The following ARNT variants were observed in gnomAD, a reference collection of about 807,000 sequenced individuals.
ARNT encodes the protein aryl hydrocarbon receptor nuclear translocator.
ARNT carries 30 observed loss-of-function variants against 105.0 expected under a neutral mutation model. The ratio of observed to expected loss-of-function variants is 0.29; its 90% confidence interval spans 0.21 to 0.39. ARNT has a LOEUF of 0.39. ARNT is among the 10% of genes least tolerant of loss of function. ARNT has a pLI of 1.00. For missense variants in ARNT, 748 were observed against 978.7 expected (o/e 0.76, Z 3.15); for synonymous variants, 304 against 344.0 (o/e 0.88, Z 1.29).
intron 1 of ARNT, among the ~76,000 whole-genome samples, chr1:150,869,374 G>T (rs1365015546): frequency 6.6e-6 from 1 of 151,922 alleles, no homozygotes; most frequent in African/African-American, 2.4e-5. Context: ...CTACTCGCGA[G>T]GATGAGGCAG....
intron 1 of ARNT, among the ~76,000 whole-genome samples, chr1:150,871,145 A>G (rs907128872): frequency 2.0e-5 from 3 of 152,180 alleles, no homozygotes; most frequent in African/African-American, 7.2e-5. Context: ...AGGAAAGTGC[A>G]GCCTGGCATA....
chr1:150,852,291 C>G (rs1478253335), intron 3 of ARNT, among the ~76,000 whole-genome samples: 1 of 152,152 alleles, frequency 6.6e-6, no homozygotes, highest in Non-Finnish European at 1.5e-5. Flanking sequence ...CACTTGCACA[C>G]TGGGATTTGT....
chr1:150,859,939 C>T (rs1665307376), intron 1 of ARNT, among the ~76,000 whole-genome samples: 1 of 151,044 alleles, frequency 6.6e-6, no homozygotes, highest in Non-Finnish European at 1.5e-5. Flanking sequence ...CCTGGGAAGT[C>T]GAGGCTGCAG....
At chr1:150,858,981 A>G (rs991420165) in intron 1 of ARNT, among the ~76,000 whole-genome samples, 3 of 151,936 alleles carry the variant, frequency 2.0e-5, no homozygotes, top group African/African-American at 4.8e-5. Context: ...CCCCCATGTC[A>G]TAGAGTTTGG....
chr1:150,816,279 G>A lies in ARNT; in HGVS notation c.1930C>T (p.Arg644Cys), dbSNP rs587624534. The change falls in exon 19 of 22, where the codon CGC becomes TGC. Residue 644 changes from arginine (R) to cysteine (C), a missense_variant. Coordinates refer to ENST00000358595, the MANE Select transcript of ARNT (RefSeq NM_001668.4). ...GATPTWTPTT[R>C]SGFSAQQVAT... ...TTTACCTGGGCAGAAAAGCCTGAGCGGGTAGTAGGGGTCCAAGTTGGGGTT... is the reference window on the plus strand; with the variant it reads ...TTTACCTGGGCAGAAAAGCCTGAGCAGGTAGTAGGGGTCCAAGTTGGGGTT... 2.4e-5 allele frequency: 39 copies of A among 1,605,108 alleles called. No individual in the cohort carries two copies. The highest frequency in any genetic ancestry group is 3.0e-5 in the Non-Finnish European group (35 of 1,177,522).
chr1:150,819,851 AAG>A (rs1378051042), intron 14 of ARNT, among the ~76,000 whole-genome samples: 1 of 152,252 alleles, frequency 6.6e-6, no homozygotes, highest in Non-Finnish European at 1.5e-5. Flanking sequence ...AGACTGCAGT[AAG>A]AGTTACATAA....
At chr1:150,814,831 ACT>A (rs10305743) in intron 19 of ARNT, among the ~76,000 whole-genome samples, 7,684 of 152,112 alleles carry the variant, frequency 0.051, 650 homozygotes, top group African/African-American at 0.18. Context: ...CAACAGCGAG[ACT>A]CTGTCTCAAA....
chr1:150,847,260 G>A (rs1286877671), intron 3 of ARNT, among the ~76,000 whole-genome samples: 3 of 151,934 alleles, frequency 2.0e-5, no homozygotes, highest in East Asian at 1.9e-4. Flanking sequence ...GTGAAACCCC[G>A]TCTCTACTAA....
In ARNT at chr1:150,863,151, G is replaced by A. The variant is rs587613001; in HGVS notation, c.26-4691C>T. On this transcript the variant is annotated intron_variant, in intron 1 of 21. Coordinates refer to ENST00000358595, the MANE Select transcript of ARNT (RefSeq NM_001668.4). ...GGCTGAGGTGGGTAGATCACTTAAG[G>A]TCAAGTTTGAGACCAGCCTGACCAA... Among the ~76,000 whole-genome samples the A allele has an allele frequency of 7.9e-5, 12 of 151,748 alleles. No individual in the cohort carries two copies. In the East Asian group the frequency reaches 2.1e-3, roughly 27 times the overall value.
At chr1:150,855,972 ATTGC>A (rs996379493) in intron 2 of ARNT, among the ~76,000 whole-genome samples, 36 of 152,200 alleles carry the variant, frequency 2.4e-4, no homozygotes, top group African/African-American at 8.4e-4. Context: ...GTGCGTGTGT[ATTGC>A]TTATTATTTA....
rs1030515260 is a variant in ARNT, at chr1:150,876,064, A to T, written c.25+479T>A. Among the ~76,000 whole-genome samples, 8 of 152,238 alleles carry T rather than the reference A, an allele frequency of 5.3e-5. No individual in the cohort carries two copies. In the East Asian group the frequency reaches 1.5e-3, roughly 29 times the overall value. The stretch of plus-strand genomic sequence containing the variant: ...AAAGAATGTCCATTTTTTATTTTTT[A>T]AATTAAAATCTAAACCTTTAAATGT... On this transcript the variant is annotated intron_variant, in intron 1 of 21. Coordinates refer to ENST00000358595, the MANE Select transcript of ARNT (RefSeq NM_001668.4).
At chr1:150,818,756 C>CAAAA (rs1422096087) in intron 14 of ARNT, among the ~76,000 whole-genome samples, 2 of 151,474 alleles carry the variant, frequency 1.3e-5, no homozygotes, top group Non-Finnish European at 2.9e-5. Context: ...CTCAATGAAA[C>CAAAA]AAACAAACAA....
intron 6 of ARNT, among the ~76,000 whole-genome samples, chr1:150,836,940 C>T (rs1660442449): frequency 6.6e-6 from 1 of 152,098 alleles, no homozygotes; most frequent in African/African-American, 2.4e-5. Flanking sequence ...GTGGCACACG[C>T]CTGTAGTCCC....
At chr1:150,839,718 A>C in intron 5 of ARNT, 64 bp from the exon 6 acceptor site, 1 of 1,471,606 alleles carries the variant, frequency 6.8e-7, no homozygotes. Flanking sequence ...TAGCAGGGAG[A>C]GTGATATGGA....
rs199767293 is a variant in ARNT at position 150,829,200 on chromosome 1, T to C, written c.1060A>G (p.Met354Val). ...TCTGTTGGTTGACAAACATTACTCA[T>C]GTCTGTACAGTTGGGAGAACTAGTT... is the stretch of plus-strand genomic sequence containing the variant. Reference protein sequence around the residue: ...QVTSSPNCTDMSNVCQPTEFI... With the variant: ...QVTSSPNCTDVSNVCQPTEFI... Residue 354 changes from methionine to valine, a missense_variant, in exon 12 of 22, where the codon ATG becomes GTG. Coordinates refer to ENST00000358595, the MANE Select transcript of ARNT (RefSeq NM_001668.4). 2.5e-6 allele frequency: 4 copies of C among 1,614,160 alleles called. No individual in the cohort carries two copies. The highest frequency in any genetic ancestry group is 4.5e-5 in the East Asian group (2 of 44,884).
At chr1:150,855,524 C>T (rs1443540588) in intron 2 of ARNT, among the ~76,000 whole-genome samples, 1 of 151,540 alleles carries the variant, frequency 6.6e-6, no homozygotes, top group Non-Finnish European at 1.5e-5. Flanking sequence ...ATCGCATCAC[C>T]GCACTCCAGC....
chr1:150,862,702 C>A (rs1292159728), intron 1 of ARNT, among the ~76,000 whole-genome samples: 1 of 125,240 alleles, frequency 8.0e-6, no homozygotes, highest in Non-Finnish European at 1.6e-5. Flanking sequence ...ATAGTGAGAT[C>A]CTGCCTCTGT....
At chr1:150,822,889 G>A (rs10305724) in intron 14 of ARNT, among the ~76,000 whole-genome samples, 6,066 of 152,264 alleles carry the variant, frequency 0.04, 152 homozygotes, top group Non-Finnish European at 0.062. Context: ...CACCCAGCTG[G>A]TGTCCACTAC....
chr1:150,857,447 T>G (rs1187646801), intron 2 of ARNT, among the ~76,000 whole-genome samples: 1 of 152,218 alleles, frequency 6.6e-6, no homozygotes, highest in Non-Finnish European at 1.5e-5. Flanking sequence ...AGCAAATGGT[T>G]AAAATCTGTA....
Sources: gnomAD v4.1 joint callset for allele counts (sites outside exome capture counted in the v4.1 genomes callset) on GRCh38, gnomAD v4.1.1 for gene constraint, MANE v1.5 for transcripts, NCBI Gene and HGNC (gene_info 2026-07-23, HGNC 2026-07-21) for gene names.